The following LRP2 variants were observed in gnomAD, a reference collection of about 807,000 sequenced individuals.
LRP2 encodes LDL receptor related protein 2.
Under a neutral mutation model 531.0 loss-of-function variants are expected in LRP2, and 172 were observed. The observed-to-expected ratio is 0.32, with a 90% confidence interval of 0.29 to 0.37. The LOEUF is 0.37. Ranked by LOEUF, LRP2 falls within the 10% of genes least tolerant of loss-of-function variation. LRP2 has a pLI of 1.00. For missense variants in LRP2, 5,167 were observed against 5,868.3 expected, an observed-to-expected ratio of 0.88 and a Z score of 3.90; for synonymous variants, 1,992 against 2,027.6, an observed-to-expected ratio of 0.98 and a Z score of 0.47.
rs567784266 is a variant in LRP2, at chr2:169,313,663, C to T, written c.310+5099G>A. On this transcript the variant is annotated intron_variant, in intron 3 of 78. Transcript: ENST00000649046. ...AGTTAGGCTACTCGGGGGTCAGGGACCCACTTGAGGTAGTCTGTCCATTCT... is the reference window on the plus strand; with the variant it reads ...AGTTAGGCTACTCGGGGGTCAGGGATCCACTTGAGGTAGTCTGTCCATTCT... Among the ~76,000 whole-genome samples the T allele has an allele frequency of 4.6e-5, 7 of 152,252 alleles. No homozygotes were observed. In the South Asian group the frequency reaches 1.5e-3, roughly 32 times the overall value.
chr2:169,339,554 G>T (rs1440168284), intron 1 of LRP2, among the ~76,000 whole-genome samples: 1 of 152,114 alleles, frequency 6.6e-6, no homozygotes, highest in Middle Eastern at 3.2e-3. Context: ...GGGTGTTTAA[G>T]AAATTTAGTA....
rs1559055875 is a variant in LRP2, at chr2:169,283,019, C to T, written c.1043-18G>A. 2.5e-6 allele frequency: 4 copies of T among 1,613,658 alleles called. No homozygotes were observed. Among genetic ancestry groups the T allele is most frequent in the South Asian group, 2.2e-5 (2 of 91,076 alleles). The stretch of plus-strand genomic sequence containing the variant: ...ATCAAACTCTGCCATATGGAAAATA[C>T]ACATTTGTAGTCAAGGTTATCAGCA... On this transcript the variant is annotated intron_variant, in intron 9 of 78. Transcript: ENST00000649046.
At chr2:169,343,637 AG>A (rs1186657006) in intron 1 of LRP2, among the ~76,000 whole-genome samples, 1 of 152,178 alleles carries the variant, frequency 6.6e-6, no homozygotes, top group African/African-American at 2.4e-5. Context: ...AGAGCTTCAG[AG>A]GTACACATCT....
At chr2:169,192,075 A>C in intron 47 of LRP2, 42 bp from the exon 48 acceptor site, 23 of 1,491,970 alleles carry the variant, frequency 1.5e-5, no homozygotes, top group Non-Finnish European at 2.0e-5. Flanking sequence ...ATGAGAGCTC[A>C]GTGCAGCAGT....
At chr2:169,359,681 G>T (rs1308465712) in intron 1 of LRP2, among the ~76,000 whole-genome samples, 1 of 152,144 alleles carries the variant, frequency 6.6e-6, no homozygotes, top group Non-Finnish European at 1.5e-5. Flanking sequence ...TTGGGTTCTG[G>T]TCTTAGAAAC....
rs755560956 is a variant in LRP2, at chr2:169,244,820, G to A, written c.3303C>T (p.Cys1101=). The A allele has an allele frequency of 4.3e-6, 7 of 1,614,260 alleles. No individual in the cohort carries two copies. The highest frequency in any genetic ancestry group is 5.9e-6 in the Non-Finnish European group (7 of 1,180,040). The change falls in exon 22 of 79, where the codon TGC becomes TGT. Residue 1101 remains cysteine, a synonymous_variant. Transcript: ENST00000649046. ...GGCAGGAAGCAGGTGCGTGGGTGGG[G>A]CAGTTGTGCTCATCACTGCCATCCA... The part of the protein sequence containing the change: ...DCVDGSDEHN[C]PTHAPASCLD...
chr2:169,275,195 C>T lies in LRP2; in HGVS notation c.1816G>A (p.Gly606Arg). Residue 606 changes from glycine (G) to arginine (R), a missense_variant, in exon 14 of 79, where the codon GGA (glycine) becomes AGA (arginine). By Grantham distance (125) the Gly-to-Arg change is moderately radical. Around this residue, in one of 6 missense-constraint regions of LRP2, gnomAD observed 2,811 missense variants for 3,058.0 expected, o/e 0.92. Transcript: ENST00000649046. ...HGGSLIPHPFGVSLFEGQVFF... is the reference protein window; with the variant it reads ...HGGSLIPHPFRVSLFEGQVFF... Reference sequence around the variant, plus strand: ...ACCTGACCTTCAAATAAGCTTACTCCAAAGGGATGAGGAATGAGGGAGCCT... The same window carrying T: ...ACCTGACCTTCAAATAAGCTTACTCTAAAGGGATGAGGAATGAGGGAGCCT... The T allele has an allele frequency of 6.2e-7, 1 of 1,613,720 alleles. No homozygotes were observed. The highest frequency in any genetic ancestry group is 8.5e-7 in the Non-Finnish European group (1 of 1,179,800).
At chr2:169,331,302 A>G (rs774925621) in intron 1 of LRP2, among the ~76,000 whole-genome samples, 11 of 152,218 alleles carry the variant, frequency 7.2e-5, no homozygotes, top group Non-Finnish European at 1.2e-4. Context: ...ATTCACAAAA[A>G]ATTAAAAATA....
At position 169,142,696 on chromosome 2, in the gene LRP2, C is replaced by A. The variant is rs1315731802; in HGVS notation, c.13086G>T (p.Gly4362=). The change falls in exon 71 of 79, where the codon GGG becomes GGT. Residue 4362 remains glycine (G), a synonymous_variant. Transcript: ENST00000649046. ...ACPQGSSFIE[G]STTECDAAIE... is the part of the protein sequence containing the mutation. ...TACCTGCATCACACTCAGTGGTGCTCCCCTCTATAAAGCTGGAGCCTTGGG... is the reference window on the plus strand; with the variant it reads ...TACCTGCATCACACTCAGTGGTGCTACCCTCTATAAAGCTGGAGCCTTGGG... 1.2e-6 allele frequency: 2 copies of A among 1,613,882 alleles called. No homozygotes were observed. The highest frequency in any genetic ancestry group is 1.6e-4 in the Middle Eastern group (1 of 6,078).
At chr2:169,140,576 G>C in intron 71 of LRP2, 31 bp from the exon 72 acceptor site, 1 of 1,556,926 alleles carries the variant, frequency 6.4e-7, no homozygotes, top group Non-Finnish European at 8.9e-7. Flanking sequence ...GCAGGTGTTA[G>C]TCAGCTGTAC....
In LRP2 at chr2:169,241,260, T is replaced by G; in HGVS notation, c.3773A>C (p.Tyr1258Ser). The change falls in exon 25 of 79, where the codon TAT becomes TCT. Residue 1258 changes from tyrosine to serine, a missense_variant. Transcript: ENST00000649046. ...WECDGHPDCL[Y>S]GSDEHNACVP... is the part of the protein sequence containing the mutation. The stretch of plus-strand genomic sequence containing the variant: ...ACAGGCATTGTGCTCATCAGATCCA[T>G]AGAGGCAGTCTGGATGCCCATCACA... The G allele has an allele frequency of 6.2e-7, 1 of 1,614,180 alleles. No individual in the cohort carries two copies. The highest frequency in any genetic ancestry group is 1.1e-5 in the South Asian group (1 of 91,086).
chr2:169,304,040 G>A (rs1001016319), intron 4 of LRP2, among the ~76,000 whole-genome samples: 1 of 152,164 alleles, frequency 6.6e-6, no homozygotes, highest in African/African-American at 2.4e-5. Flanking sequence ...GTTTTTGCCA[G>A]AAGGTTCATT....
intron 76 of LRP2, among the ~76,000 whole-genome samples, chr2:169,133,505 C>T (rs1351640815): frequency 6.6e-6 from 1 of 152,222 alleles, no homozygotes; most frequent in African/African-American, 2.4e-5. Context: ...AAGATTTAAA[C>T]ATTTCCGATC....
In LRP2 at chr2:169,318,458, G is replaced by T. The variant is rs141383017; in HGVS notation, c.310+304C>A. 3.0e-3 allele frequency among the ~76,000 whole-genome samples: 453 copies of T among 152,272 alleles called. 3 individuals carry two copies. The highest frequency in any genetic ancestry group is 0.011 in the African/African-American group (438 of 41,548). ...TCATTCAGCTGTCAACCACACACAT[G>T]AAGACACCCAGCTATACACTCCAAT... On this transcript the variant is annotated intron_variant, in intron 3 of 78. Transcript: ENST00000649046.
At chr2:169,256,362 T>C in intron 18 of LRP2, 126 bp from the exon 19 acceptor site, 1 of 617,138 alleles carries the variant, frequency 1.6e-6, no homozygotes, top group East Asian at 3.0e-5. Flanking sequence ...AAAATTTAAA[T>C]TATATTCATT....
In LRP2 at chr2:169,318,825, T is replaced by A. The variant is rs770534351; in HGVS notation, c.247A>T (p.Asn83Tyr). The change falls in exon 3 of 79, where the codon AAC becomes TAC. Residue 83 changes from asparagine to tyrosine, a missense_variant. Transcript: ENST00000649046. The stretch of plus-strand genomic sequence containing the variant: ...TGATCTTGGTCACACACCCAGGAGT[T>A]GGGGATGCATTGTCCCTCACTCTGG... ...KCQSEGQCIP[N>Y]SWVCDQDQDC... 1.9e-6 allele frequency: 3 copies of A among 1,614,040 alleles called. No individual in the cohort carries two copies. The highest frequency in any genetic ancestry group is 1.3e-5 in the African/African-American group (1 of 74,938).
intron 1 of LRP2, among the ~76,000 whole-genome samples, chr2:169,339,029 G>T (rs563949480): frequency 4.6e-5 from 7 of 152,128 alleles, no homozygotes; most frequent in African/African-American, 1.7e-4. Context: ...AATAAAAATT[G>T]ATTACTGATA....
At chr2:169,359,888 C>T (rs191683235) in intron 1 of LRP2, among the ~76,000 whole-genome samples, 38 of 152,092 alleles carry the variant, frequency 2.5e-4, no homozygotes, top group African/African-American at 8.7e-4. Flanking sequence ...CTTTGGGAGG[C>T]CTAGGCGGGC....
At chr2:169,277,149 G>A (rs935650566) in intron 13 of LRP2, among the ~76,000 whole-genome samples, 6 of 141,102 alleles carry the variant, frequency 4.3e-5, no homozygotes, top group African/African-American at 1.1e-4. Context: ...AACCGAGATT[G>A]CATCACTGCA....
Sources: gnomAD v4.1 joint callset for allele counts (sites outside exome capture counted in the v4.1 genomes callset) on GRCh38, gnomAD v4.1.1 for gene constraint, gnomAD v4.1.1 regional missense constraint, MANE v1.5 for transcripts, NCBI Gene and HGNC (gene_info 2026-07-23, HGNC 2026-07-21) for gene names.